The following ARAP2 variants were observed in gnomAD, a reference collection of about 807,000 sequenced individuals.
ARAP2 encodes the protein arf-GAP with Rho-GAP domain, ANK repeat and PH domain-containing protein 2.
ARAP2 carries 148 observed loss-of-function variants against 194.5 expected under a neutral mutation model. That is an observed-to-expected ratio of 0.76 (90% CI 0.67 to 0.87). The LOEUF (loss-of-function observed/expected upper bound fraction) is 0.87, where lower values mean the gene tolerates loss of function less well. Among genes scored for constraint, ARAP2 ranks in the 40% least tolerant of loss-of-function variants. The pLI is 0.00. For missense variants in ARAP2, 2,128 were observed against 1,989.7 expected, an observed-to-expected ratio of 1.07 and a Z score of -1.32; for synonymous variants, 695 against 683.5, an observed-to-expected ratio of 1.02 and a Z score of -0.26.
intron 5 of ARAP2, among the ~76,000 whole-genome samples, chr4:36,026,430 A>G (rs574531394): frequency 1.3e-5 from 2 of 152,278 alleles, no homozygotes; most frequent in South Asian, 4.1e-4. Context: ...GGTTTTTTGT[A>G]GCTTCAATTC....
intron 2 of ARAP2, among the ~76,000 whole-genome samples, chr4:36,218,533 G>A (rs545183483): frequency 2.0e-5 from 3 of 152,148 alleles, no homozygotes; most frequent in South Asian, 2.1e-4. Flanking sequence ...TAGATCACCT[G>A]CACATCTATA....
chr4:36,006,278 A>T (rs1713256048), intron 10 of ARAP2: 1 of 152,230 alleles, frequency 6.6e-6, no homozygotes, highest in African/African-American at 2.4e-5. Flanking sequence ...CGGACAGCTA[A>T]GGAAGAAGTT....
chr4:36,022,752 G>C (rs762690979), intron 5 of ARAP2, among the ~76,000 whole-genome samples: 1 of 152,012 alleles, frequency 6.6e-6, no homozygotes, highest in Non-Finnish European at 1.5e-5. Flanking sequence ...CAGACTAAAG[G>C]GTTCAGAAGG....
At chr4:36,088,786 C>T (rs113610167) in intron 28 of ARAP2, among the ~76,000 whole-genome samples, 4,731 of 152,146 alleles carry the variant, frequency 0.031, 255 homozygotes, top group African/African-American at 0.1. Context: ...AACAAGACAG[C>T]CACAGCTTTG....
chr4:36,240,523 CT>C (rs758732993), intron 1 of ARAP2, among the ~76,000 whole-genome samples: 2 of 152,148 alleles, frequency 1.3e-5, no homozygotes, highest in Non-Finnish European at 2.9e-5. Flanking sequence ...CCTGTGTGGC[CT>C]TGGGAGAATT....
At position 36,121,238 on chromosome 4, in the gene ARAP2, T is replaced by G. The variant is rs1302708456; in HGVS notation, c.3835A>C (p.Thr1279Pro). The G allele has an allele frequency of 2.5e-6, 4 of 1,607,740 alleles. No individual in the cohort carries two copies. The highest frequency in any genetic ancestry group is 3.4e-6 in the Non-Finnish European group (4 of 1,176,348). The part of the protein sequence containing the change: ...SSCLFQTKGQ[T>P]SEEVNVIEDL... ...TCAATTACATTCACTTCTTCACTAG[T>G]TTGTCCCTTCGTTTGAAACAAACAG... is the stretch of plus-strand genomic sequence containing the variant. Residue 1279 changes from threonine (T) to proline (P), a missense_variant, in exon 23 of 33, where the codon ACT becomes CCT. Coordinates refer to ENST00000303965, the MANE Select transcript of ARAP2 (RefSeq NM_015230.4).
In ARAP2 at chr4:36,228,619, G is replaced by C. The variant is rs779513111; in HGVS notation, c.868C>G (p.Pro290Ala). 6 of 1,613,352 alleles carry C rather than the reference G, an allele frequency of 3.7e-6. No homozygotes were observed. In the South Asian group the frequency reaches 6.6e-5, roughly 18 times the overall value. The change falls in exon 2 of 33, where the codon CCA becomes GCA. Residue 290 changes from proline (P) to alanine (A), a missense_variant. By Grantham distance (27) the Pro-to-Ala change is conservative. Coordinates refer to ENST00000303965, the MANE Select transcript of ARAP2 (RefSeq NM_015230.4). ...RSFLLRHRPV[P>A]EIPGSTKGVS... Reference sequence around the variant, plus strand: ...CCTTTTGTTGACCCTGGAATCTCTGGTACAGGTCGATGTCTTAGCAGAAAA... The same window carrying C: ...CCTTTTGTTGACCCTGGAATCTCTGCTACAGGTCGATGTCTTAGCAGAAAA...
At position 36,182,215 on chromosome 4, in the gene ARAP2, G is replaced by A. The variant is rs951915258; in HGVS notation, c.1679-4210C>T. ...TCTCAGTAAGATGCAGAAACTGGCCGGGCATGGTGGCTCACGCCTGTAATC... is the reference window on the plus strand; with the variant it reads ...TCTCAGTAAGATGCAGAAACTGGCCAGGCATGGTGGCTCACGCCTGTAATC... On this transcript the variant is annotated intron_variant, in intron 8 of 32. Coordinates refer to ENST00000303965, the MANE Select transcript of ARAP2 (RefSeq NM_015230.4). Among the ~76,000 whole-genome samples the A allele has an allele frequency of 5.3e-5, 8 of 152,242 alleles. No individual in the cohort carries two copies. In the South Asian group the frequency reaches 1.2e-3, roughly 24 times the overall value.
At chr4:36,042,034 T>C (rs920417842) in intron 5 of ARAP2, among the ~76,000 whole-genome samples, 5 of 151,004 alleles carry the variant, frequency 3.3e-5, no homozygotes, top group Non-Finnish European at 7.4e-5. Flanking sequence ...GGGGAGAGGG[T>C]GGGAGAAGGG....
Position 36,147,235 on chromosome 4 carries a change from A to G in ARAP2, c.3263+61T>C. 2.7e-6 allele frequency: 4 copies of G among 1,494,096 alleles called. No individual in the cohort carries two copies. The East Asian group carries it at 6.8e-5, about 25-fold the overall frequency. 92.6% of individuals were successfully genotyped at this position (1,494,096 alleles called of 1,614,324 possible). ...TTTTCTCCCTCAAGATAATAACAAA[A>G]AACAAAATCCCGCTGCCCAGAGTTG... On this transcript the variant is annotated intron_variant, in intron 19 of 32. Transcript: ENST00000303965.
chr4:36,190,104 C>T (rs139967006), intron 7 of ARAP2, among the ~76,000 whole-genome samples: 2 of 152,312 alleles, frequency 1.3e-5, no homozygotes, highest in East Asian at 3.9e-4. Flanking sequence ...CCTTTGCATA[C>T]ACTGTTTGCT....
intron 5 of ARAP2, among the ~76,000 whole-genome samples, chr4:36,029,045 G>A (rs1718459372): frequency 6.6e-6 from 1 of 151,886 alleles, no homozygotes; most frequent in Admixed American, 6.6e-5. Context: ...GTGCTTGAGA[G>A]GAAGCTGTAT....
intron 10 of ARAP2, 55 bp downstream of exon 10, chr4:36,166,874 TGGA>T: frequency 9.8e-7 from 1 of 1,019,000 alleles, no homozygotes; most frequent in South Asian, 1.7e-5. Flanking sequence ...AACATAAAGG[TGGA>T]TCACCCAAGC....
At chr4:36,054,136 C>T (rs1456432685) in intron 2 of ARAP2, among the ~76,000 whole-genome samples, 2 of 152,144 alleles carry the variant, frequency 1.3e-5, no homozygotes, top group Non-Finnish European at 2.9e-5. Context: ...CTAAAATGCG[C>T]CACTATAACT....
chr4:36,136,820 CGT>C (rs111433081), intron 19 of ARAP2, among the ~76,000 whole-genome samples: 1,148 of 44,542 alleles, frequency 0.026, 16 homozygotes, highest in South Asian at 0.039. Flanking sequence ...TGTGTGTGTG[CGT>C]GTCTGTGTAT....
At chr4:36,148,921 A>G (rs1730290232) in intron 16 of ARAP2, among the ~76,000 whole-genome samples, 1 of 152,126 alleles carries the variant, frequency 6.6e-6, no homozygotes. Flanking sequence ...GTCACACAGC[A>G]GGTTCCCTCC....
Position 36,147,691 on chromosome 4 carries a change from C to A in ARAP2, c.3056G>T (p.Gly1019Val). The A allele has an allele frequency of 6.2e-7, 1 of 1,612,818 alleles. No individual in the cohort carries two copies. Among genetic ancestry groups the A allele is most frequent in the East Asian group, 2.2e-5 (1 of 44,820 alleles). ...ATGGCAGTCTTTGTAGAAGAGTTGA[C>A]CAATCAAATCATAGTCAGCTTCTGT... Reference protein sequence around the residue: ...NLTEADYDLIGQLFYKDCHAL... With the variant: ...NLTEADYDLIVQLFYKDCHAL... Residue 1019 changes from glycine (G) to valine (V), a missense_variant, in exon 18 of 33, where the codon GGT (glycine) becomes GTT (valine). Physicochemically the swap from Gly to Val is moderately radical, Grantham distance 109 (BLOSUM62 -3). Coordinates refer to ENST00000303965, the MANE Select transcript of ARAP2 (RefSeq NM_015230.4).
chr4:36,191,706 T>A (rs75605272), intron 7 of ARAP2, among the ~76,000 whole-genome samples: 1,725 of 152,166 alleles, frequency 0.011, 34 homozygotes, highest in East Asian at 0.091. Flanking sequence ...TTTTAAAGCA[T>A]CCCTTGAGCC....
intron 31 of ARAP2, among the ~76,000 whole-genome samples, chr4:36,074,133 G>T (rs1727688612): frequency 6.6e-6 from 1 of 152,102 alleles, no homozygotes; most frequent in South Asian, 2.1e-4. Flanking sequence ...AAGAAAAATA[G>T]TACACTTGTC....
Sources: allele counts gnomAD v4.1 joint callset (sites outside exome capture counted in the v4.1 genomes callset), GRCh38; gene constraint gnomAD v4.1.1; transcripts MANE v1.5; gene names NCBI Gene and HGNC (gene_info 2026-07-23, HGNC 2026-07-21).